Variants in ARL17A observed in about 807,000 individuals in gnomAD.
ARL17A encodes the protein ARF like GTPase 17A.
intron 3 of ARL17A, among the ~76,000 whole-genome samples, chr17:46,543,098 C>T (rs2055690776): frequency 6.7e-6 from 1 of 149,970 alleles, no homozygotes; most frequent in African/African-American, 2.5e-5. Context: ...GATCTGTCTG[C>T]TTTTTTCTTG....
At chr17:46,533,767 G>A (rs1382650350) in intron 4 of ARL17A, among the ~76,000 whole-genome samples, 1 of 92,746 alleles carries the variant, frequency 1.1e-5, no homozygotes, top group Non-Finnish European at 1.9e-5. Flanking sequence ...CTCCCAAAGT[G>A]CTGGGATTAC....
Position 46,553,983 on chromosome 17 carries a change from T to TG in ARL17A, c.*3372dup, listed in dbSNP as rs2057095166. 1.0e-6 allele frequency: 1 copy of TG among 987,872 alleles called. No individual in the cohort carries two copies. Among genetic ancestry groups the TG allele is most frequent in the South Asian group, 4.1e-5 (1 of 24,212 alleles). The allele number at this position is 987,872 out of a possible 1,614,324, so 61.2% of individuals were successfully genotyped here. ...GGGCACTTGTCTCCTTCAAGGCTGA[T>TG]GGAAGGTAGGATATGTGAGTCCTTC... On this transcript the variant is annotated 3_prime_UTR_variant, in exon 4 of 4. Coordinates refer to ENST00000336125, the MANE Select transcript of ARL17A (RefSeq NM_001113738.2).
chr17:46,572,971 AAGGGAGGGAGGGAGGG>A (rs745585476), intron 2 of ARL17A, among the ~76,000 whole-genome samples: 1 of 40,452 alleles, frequency 2.5e-5, no homozygotes, highest in South Asian at 7.2e-4. Flanking sequence ...AAGGACAGAA[AAGGGAGGGAGGGAGGG>A]AGGGAGGGAG....
At chr17:46,511,187 TA>T in the ARL17A span, among the ~76,000 whole-genome samples, 4 of 126,664 alleles carry the variant, frequency 3.2e-5, no homozygotes, top group Non-Finnish European at 5.1e-5. Context: ...GAATTTTTTT[TA>T]AAAAAAGGAG....
At chr17:46,534,362 G>A (rs1464288657) in intron 4 of ARL17A, among the ~76,000 whole-genome samples, 1 of 145,056 alleles carries the variant, frequency 6.9e-6, no homozygotes, top group East Asian at 2.0e-4. Flanking sequence ...CAGTGTTTGT[G>A]TCCCTGGGTA....
intron 3 of ARL17A, among the ~76,000 whole-genome samples, chr17:46,541,210 T>C (rs1478750110): frequency 6.7e-6 from 1 of 148,774 alleles, no homozygotes; most frequent in Admixed American, 6.6e-5. Context: ...TGAAATCATA[T>C]AGCACATAGC....
chr17:46,558,110 A>G lies in ARL17A; in HGVS notation c.260-480T>C, dbSNP rs970605288. Among the ~76,000 whole-genome samples, 3 of 131,042 alleles carry G rather than the reference A, an allele frequency of 2.3e-5. 1 individual carries two copies. Among genetic ancestry groups the G allele is most frequent in the African/African-American group, 9.1e-5 (3 of 32,952 alleles). 86.0% of individuals were successfully genotyped at this position (131,042 alleles called of 152,430 possible). A position where few individuals can be genotyped will look rare whatever the true frequency, so the allele number is the denominator to read the frequency against. On this transcript the variant is annotated intron_variant, in intron 3 of 3. Transcript: ENST00000336125. The stretch of plus-strand genomic sequence containing the variant: ...GTTTTGCTCTTGTTGCTCAGTCTGG[A>G]ATGCAATGGCACGATCTCAGCTCAC...
the ARL17A span, among the ~76,000 whole-genome samples, chr17:46,501,986 G>T: frequency 5.3e-5 from 8 of 151,384 alleles, no homozygotes; most frequent in East Asian, 1.9e-4. Flanking sequence ...ACTTTTGGAC[G>T]ATGATGTGTT....
chr17:46,520,967 G>A (rs1453344365), intron 3 of ARL17A, among the ~76,000 whole-genome samples: 1 of 81,470 alleles, frequency 1.2e-5, no homozygotes, highest in Non-Finnish European at 3.3e-5. Flanking sequence ...AGAATATTAA[G>A]CTACCAAGAG....
At chr17:46,540,098 C>G in intron 3 of ARL17A, 1 of 1,543,970 alleles carries the variant, frequency 6.5e-7, no homozygotes, top group African/African-American at 1.5e-5. Context: ...AGTTCCATAT[C>G]AAAAAATGAA....
At chr17:46,549,102 C>G (rs372043932), downstream of ARL17A, 14 of 1,611,740 alleles carry the variant, frequency 8.7e-6, no homozygotes, top group African/African-American at 1.6e-4. Context: ...CACCCAAAGT[C>G]AAAAAGAGTC....
At chr17:46,548,455 G>A, downstream of ARL17A, 1 of 1,021,878 alleles carries the variant, frequency 9.8e-7, no homozygotes, top group East Asian at 2.8e-5. Context: ...CTTTGGGAGT[G>A]AGCAGCTAGA....
At position 46,534,751 on chromosome 17, in the gene ARL17A, C is replaced by T. The variant is rs1476654686; in HGVS notation, c.335+3600G>A. On this transcript the variant is annotated intron_variant, in intron 4 of 4. Coordinates refer to the ARL17A transcript ENST00000329240. ...GGGTGGCGGCCGGGCAGAGGGGCTC[C>T]TCACTTCCCAGAAGGGGCAGCCGGG... Among the ~76,000 whole-genome samples the T allele has an allele frequency of 1.3e-5, 2 of 150,016 alleles. 1 individual carries two copies. The highest frequency in any genetic ancestry group is 5.0e-5 in the African/African-American group (2 of 39,660).
rs1273255706 is a variant in ARL17A, at chr17:46,542,696, A to AAT, written c.260-4272_260-4271dup. Among the ~76,000 whole-genome samples the AAT allele has an allele frequency of 6.7e-5, 10 of 150,108 alleles. No individual in the cohort carries two copies. In the South Asian group the frequency reaches 1.2e-3, roughly 19 times the overall value. ...GGTGACAGAGCAAGACCCTGTCTAA[A>AAT]ATATATATATATTTATATATATGTA... On this transcript the variant is annotated intron_variant, in intron 3 of 4. Transcript: ENST00000329240.
At chr17:46,534,223 C>T (rs1274320795) in intron 4 of ARL17A, among the ~76,000 whole-genome samples, 1 of 147,270 alleles carries the variant, frequency 6.8e-6, no homozygotes, top group East Asian at 2.0e-4. Flanking sequence ...TTTTATTGAT[C>T]ATTCTTGGGT....
chr17:46,550,741 G>A (rs1413471905), downstream of ARL17A, among the ~76,000 whole-genome samples: 1 of 124,758 alleles, frequency 8.0e-6, no homozygotes, highest in Non-Finnish European at 1.7e-5. Context: ...TTGAAACCAT[G>A]TGAATCCCAC....
chr17:46,532,237 G>T (rs2053772282), intron 4 of ARL17A, among the ~76,000 whole-genome samples: 2 of 148,704 alleles, frequency 1.3e-5, no homozygotes. Flanking sequence ...AACAACAATT[G>T]TAGTGAAACC....
chr17:46,539,390 G>A, intron 3 of ARL17A, among the ~76,000 whole-genome samples: 1 of 139,460 alleles, frequency 7.2e-6, no homozygotes, highest in African/African-American at 2.7e-5. Context: ...CTTCTTCTTT[G>A]GCTATAAAGC....
chr17:46,551,433 C>T (rs1239065528), downstream of ARL17A, among the ~76,000 whole-genome samples: 1 of 149,420 alleles, frequency 6.7e-6, no homozygotes, highest in African/African-American at 2.6e-5. Context: ...CCCTCCATTC[C>T]AGCCACAGCA....
Sources: allele counts gnomAD v4.1 joint callset (sites outside exome capture counted in the v4.1 genomes callset), GRCh38; gene constraint gnomAD v4.1.1; transcripts MANE v1.5; gene names NCBI Gene and HGNC (gene_info 2026-07-23, HGNC 2026-07-21).